Variants in PSEN1 observed in about 807,000 individuals in gnomAD.
The protein encoded by PSEN1 is presenilin-1.
PSEN1 carries 15 observed loss-of-function variants against 53.5 expected under a neutral mutation model. That is an observed-to-expected ratio of 0.28 (90% CI 0.19 to 0.43). The LOEUF (loss-of-function observed/expected upper bound fraction) is 0.43. PSEN1 is among the 20% of genes least tolerant of loss of function. The pLI is 1.00. For missense variants in PSEN1, 387 were observed against 571.2 expected, an observed-to-expected ratio of 0.68 and a Z score of 3.29; for synonymous variants, 208 against 209.8, an observed-to-expected ratio of 0.99 and a Z score of 0.08.
At chr14:73,201,207 C>T (rs1216670953) in intron 8 of PSEN1, among the ~76,000 whole-genome samples, 1 of 152,086 alleles carries the variant, frequency 6.6e-6, no homozygotes, top group Non-Finnish European at 1.5e-5. Context: ...CCTGCCTCAG[C>T]CTCCCCAGCA....
In PSEN1 at chr14:73,221,251, C is replaced by T. The variant is rs1208213446; in HGVS notation, c.*1962C>T. On this transcript the variant is annotated 3_prime_UTR_variant, in exon 12 of 12. Coordinates refer to ENST00000324501, the MANE Select transcript of PSEN1 (RefSeq NM_000021.4). ...ATTTTTTTCCATGAAATCCCTTCTT[C>T]CAAGATTCATTCCCTCTCTCAGACA... The T allele has an allele frequency of 1.3e-5, 2 of 152,156 alleles. No homozygotes were observed. The highest frequency in any genetic ancestry group is 2.9e-5 in the Non-Finnish European group (2 of 68,020). The allele number at this position is 152,156 out of a possible 1,614,324, so 9.4% of individuals were successfully genotyped here.
chr14:73,172,208 A>G (rs939265132), intron 4 of PSEN1, among the ~76,000 whole-genome samples: 26 of 152,192 alleles, frequency 1.7e-4, no homozygotes, highest in African/African-American at 6.0e-4. Context: ...CTTGATTCAA[A>G]TGTCATCTAG....
chr14:73,187,328 T>C (rs1264933249), intron 6 of PSEN1, among the ~76,000 whole-genome samples: 1 of 152,206 alleles, frequency 6.6e-6, no homozygotes, highest in Non-Finnish European at 1.5e-5. Context: ...AATTTTCATA[T>C]ATAATATAGA....
At chr14:73,206,779 T>C (rs922102832) in intron 9 of PSEN1, among the ~76,000 whole-genome samples, 1 of 151,984 alleles carries the variant, frequency 6.6e-6, no homozygotes, top group African/African-American at 2.4e-5. Context: ...TAAGTCATGA[T>C]TTTAAAAAGA....
At chr14:73,203,165 G>T (rs1482853597) in intron 8 of PSEN1, among the ~76,000 whole-genome samples, 2 of 151,896 alleles carry the variant, frequency 1.3e-5, no homozygotes, top group Non-Finnish European at 2.9e-5. Flanking sequence ...TGCAACCTCC[G>T]CCTCCCAGGT....
At chr14:73,148,251 C>T in intron 3 of PSEN1, 145 bp downstream of exon 3, 1 of 725,882 alleles carries the variant, frequency 1.4e-6, no homozygotes, top group Non-Finnish European at 2.4e-6. Context: ...CAGCTGATTG[C>T]TGGAGGACAC....
intron 3 of PSEN1, among the ~76,000 whole-genome samples, chr14:73,151,894 A>ATTTTTTTTTTT (rs56754992): frequency 5.1e-5 from 2 of 38,952 alleles, no homozygotes; most frequent in Non-Finnish European, 8.1e-5. Context: ...ATATATATAT[A>ATTTTTTTTTTT]TTTTTTTTTT....
At position 73,180,828 on chromosome 14, in the gene PSEN1, A is replaced by G. The variant is rs1898189029; in HGVS notation, c.481-6025A>G. On this transcript the variant is annotated intron_variant, in intron 5 of 11. Coordinates refer to ENST00000324501, the MANE Select transcript of PSEN1 (RefSeq NM_000021.4). ...TAACATAGTAATAAAAGAAATGCATATGAAAATAACAAATTAACATATTTG... is the reference window on the plus strand; with the variant it reads ...TAACATAGTAATAAAAGAAATGCATGTGAAAATAACAAATTAACATATTTG... Among the ~76,000 whole-genome samples, 3 of 152,378 alleles carry G rather than the reference A, an allele frequency of 2.0e-5. No homozygotes were observed. In the South Asian group the frequency reaches 6.2e-4, roughly 32 times the overall value.
chr14:73,140,882 T>C (rs2140492307), intron 1 of PSEN1, among the ~76,000 whole-genome samples: 1 of 152,308 alleles, frequency 6.6e-6, no homozygotes, highest in South Asian at 2.1e-4. Context: ...GTTCAGAGCA[T>C]GTATTCTCAC....
At chr14:73,151,878 T>TTATATATATATATATGTGTA (rs1897234309) in intron 3 of PSEN1, among the ~76,000 whole-genome samples, 5 of 56,908 alleles carry the variant, frequency 8.8e-5, no homozygotes, top group Admixed American at 2.9e-4. Flanking sequence ...CTAAAATATT[T>TTATATATATATATATGTGTA]TATATATATA....
chr14:73,183,965 C>G (rs1193855266), intron 5 of PSEN1, among the ~76,000 whole-genome samples: 3 of 141,762 alleles, frequency 2.1e-5, no homozygotes, highest in African/African-American at 8.3e-5. Flanking sequence ...GGCGGCTGGC[C>G]GGGCAGAGGG....
At chr14:73,206,948 T>G (rs1692377034) in intron 9 of PSEN1, among the ~76,000 whole-genome samples, 1 of 152,024 alleles carries the variant, frequency 6.6e-6, no homozygotes, top group African/African-American at 2.4e-5. Flanking sequence ...AACTGAAATA[T>G]GATTTGAGAT....
intron 3 of PSEN1, among the ~76,000 whole-genome samples, chr14:73,150,682 T>A (rs1330107770): frequency 6.7e-6 from 1 of 148,620 alleles, no homozygotes; most frequent in Non-Finnish European, 1.5e-5. Context: ...AGAGAATTGC[T>A]TGAACTCTGG....
rs559257889 is a variant in PSEN1, at chr14:73,139,595, A to G, written c.-136+3012A>G. On this transcript the variant is annotated intron_variant, in intron 1 of 11. Coordinates refer to ENST00000324501, the MANE Select transcript of PSEN1 (RefSeq NM_000021.4). ...ACTCCATAAGAAAAAAAGAAAAAAAAGGGGGGCAAAAAGAAACAGATGAAA... is the reference window on the plus strand; with the variant it reads ...ACTCCATAAGAAAAAAAGAAAAAAAGGGGGGGCAAAAAGAAACAGATGAAA... 4.6e-5 allele frequency among the ~76,000 whole-genome samples: 7 copies of G among 152,284 alleles called. No homozygotes were observed. In the South Asian group the frequency reaches 8.3e-4, roughly 18 times the overall value.
chr14:73,191,482 C>G (rs1937894059), intron 6 of PSEN1, among the ~76,000 whole-genome samples: 1 of 152,078 alleles, frequency 6.6e-6, no homozygotes, highest in African/African-American at 2.4e-5. Flanking sequence ...CTTTGGGTTT[C>G]AGATACTGTC....
intron 3 of PSEN1, among the ~76,000 whole-genome samples, chr14:73,170,373 G>A (rs184128355): frequency 1.3e-5 from 2 of 152,284 alleles, no homozygotes; most frequent in Admixed American, 6.5e-5. Context: ...TGGTCCAAAC[G>A]CCTCTGACAC....
chr14:73,198,270 G>T (rs117414600), intron 8 of PSEN1, 141 bp downstream of exon 8: 7 of 648,632 alleles, frequency 1.1e-5, no homozygotes, highest in South Asian at 3.5e-5. Flanking sequence ...AGATCTCTTT[G>T]TTTCCTTGCA....
intron 5 of PSEN1, chr14:73,174,135 G>T (rs1826532680): frequency 4.8e-6 from 1 of 207,398 alleles, no homozygotes; most frequent in East Asian, 1.1e-4. Flanking sequence ...GCCTTTTTAG[G>T]CCATTGTCTC....
intron 1 of PSEN1, among the ~76,000 whole-genome samples, chr14:73,141,362 T>C (rs1353594178): frequency 6.6e-6 from 1 of 152,214 alleles, no homozygotes; most frequent in Admixed American, 6.5e-5. Context: ...CCCTTGCTCT[T>C]TTTAGCGTCT....
Sources: allele counts gnomAD v4.1 joint callset (sites outside exome capture counted in the v4.1 genomes callset), GRCh38; gene constraint gnomAD v4.1.1; transcripts MANE v1.5; gene names NCBI Gene and HGNC (gene_info 2026-07-23, HGNC 2026-07-21).